ADGRL2: variants seen among roughly 807,000 people sequenced by gnomAD.
The protein encoded by ADGRL2 is adhesion G protein-coupled receptor L2, also known as calcium-independent alpha-latrotoxin receptor 2.
Under a neutral mutation model 157.4 loss-of-function variants are expected in ADGRL2, and 44 were observed. That is an observed-to-expected ratio of 0.28 (90% CI 0.22 to 0.36). The LOEUF (loss-of-function observed/expected upper bound fraction) is 0.36. Among genes scored for constraint, ADGRL2 ranks in the 10% least tolerant of loss-of-function variants. The pLI is 1.00. For synonymous variants in ADGRL2, 585 were observed against 624.7 expected (o/e 0.94, Z 0.95); for missense variants, 1,510 against 1,768.9 (o/e 0.85, Z 2.63).
chr1:81,406,414 CT>C (rs1002816598), intron 1 of ADGRL2, among the ~76,000 whole-genome samples: 3 of 152,170 alleles, frequency 2.0e-5, no homozygotes, highest in Admixed American at 6.5e-5. Flanking sequence ...GCTAAAACAT[CT>C]GAAATATACT....
intron 2 of ADGRL2, among the ~76,000 whole-genome samples, chr1:81,541,367 T>C (rs2079879082): frequency 6.6e-6 from 1 of 152,158 alleles, no homozygotes; most frequent in South Asian, 2.1e-4. Context: ...CTCTTGGATG[T>C]GGAGTAGGTA....
At chr1:81,541,317 T>C (rs942343467) in intron 2 of ADGRL2, among the ~76,000 whole-genome samples, 5 of 152,220 alleles carry the variant, frequency 3.3e-5, no homozygotes, top group Admixed American at 6.5e-5. Context: ...TGGACATTTC[T>C]TTCTTTTCCA....
intron 2 of ADGRL2, among the ~76,000 whole-genome samples, chr1:81,850,381 T>C (rs1170002773): frequency 6.6e-6 from 1 of 151,940 alleles, no homozygotes; most frequent in Non-Finnish European, 1.5e-5. Flanking sequence ...ATGTGAGTCA[T>C]TGTCTTTTCA....
chr1:81,790,366 A>G (rs575744317), intron 2 of ADGRL2, among the ~76,000 whole-genome samples: 2 of 152,252 alleles, frequency 1.3e-5, no homozygotes, highest in East Asian at 3.9e-4. Context: ...CTTTTTACTT[A>G]AATAACACAC....
At chr1:81,357,383 C>T (rs1171222969) in intron 1 of ADGRL2, among the ~76,000 whole-genome samples, 1 of 152,158 alleles carries the variant, frequency 6.6e-6, no homozygotes. Flanking sequence ...TCATTCTAGG[C>T]TCCTTTATAT....
intron 2 of ADGRL2, among the ~76,000 whole-genome samples, chr1:81,525,411 G>A (rs1224832862): frequency 6.6e-6 from 1 of 151,982 alleles, no homozygotes; most frequent in African/African-American, 2.4e-5. Flanking sequence ...TCCGCCTCCT[G>A]GGTTCAAGCG....
At chr1:81,750,492 C>T (rs1246336511) in intron 1 of ADGRL2, among the ~76,000 whole-genome samples, 1 of 152,040 alleles carries the variant, frequency 6.6e-6, no homozygotes, top group African/African-American at 2.4e-5. Flanking sequence ...GCCGATGGGG[C>T]TGGATCACAA....
chr1:81,826,542 A>AGCTTCT (rs1406824951), intron 1 of ADGRL2, among the ~76,000 whole-genome samples: 2 of 152,224 alleles, frequency 1.3e-5, no homozygotes, highest in African/African-American at 4.8e-5. Context: ...AAAAAGATTT[A>AGCTTCT]GCTATAATTT....
chr1:81,470,075 C>T (rs2078139376), intron 2 of ADGRL2, among the ~76,000 whole-genome samples: 1 of 152,172 alleles, frequency 6.6e-6, no homozygotes. Context: ...CTTAGAAACA[C>T]GTGTTCCTTA....
chr1:81,851,917 A>G (rs1237937851), intron 2 of ADGRL2, among the ~76,000 whole-genome samples: 1 of 152,002 alleles, frequency 6.6e-6, no homozygotes, highest in Non-Finnish European at 1.5e-5. Context: ...GAGTACAACT[A>G]TAGGATTTTT....
chr1:81,324,566 T>C (rs756274391), intron 1 of ADGRL2, among the ~76,000 whole-genome samples: 5 of 149,436 alleles, frequency 3.3e-5, no homozygotes, highest in Non-Finnish European at 7.4e-5. Flanking sequence ...AAAAGTTATA[T>C]ATAAATTATA....
intron 1 of ADGRL2, among the ~76,000 whole-genome samples, chr1:81,337,818 G>A (rs1661762790): frequency 6.6e-6 from 1 of 152,090 alleles, no homozygotes; most frequent in South Asian, 2.1e-4. Context: ...CAACTAACCA[G>A]TTCCAGCCCT....
chr1:81,943,918 G>T lies in ADGRL2; in HGVS notation c.1210+149G>T. On this transcript the variant is annotated intron_variant, in intron 6 of 23. Coordinates refer to ENST00000686636, the MANE Select transcript of ADGRL2 (RefSeq NM_001366006.2). The surrounding 1 kb of genome is among the most constrained non-coding windows in gnomAD (Gnocchi z 5.6). ...TTGTGGTACATTTTAGCCTTATTAT[G>T]GTTCGTTTTCTTTTTCTCAATTTCT... is the stretch of plus-strand genomic sequence containing the variant. The T allele has an allele frequency of 1.6e-6, 1 of 615,628 alleles. No homozygotes were observed. Among genetic ancestry groups the T allele is most frequent in the African/African-American group, 1.9e-5 (1 of 54,028 alleles). The allele number at this position is 615,628 out of a possible 1,614,324, so 38.1% of individuals were successfully genotyped here. A position where few individuals can be genotyped will look rare whatever the true frequency, so the allele number is the denominator to read the frequency against.
chr1:81,400,574 A>G (rs1252714285), intron 1 of ADGRL2, among the ~76,000 whole-genome samples: 1 of 152,110 alleles, frequency 6.6e-6, no homozygotes, highest in Non-Finnish European at 1.5e-5. Context: ...ACCTGAGCCA[A>G]TAAGTCTCAG....
rs1443367350 is a variant in ADGRL2 at position 81,990,394 on chromosome 1, A to AT, written c.3661dup (p.Ser1221PhefsTer19). On this transcript the variant is annotated frameshift_variant, in exon 24 of 24. Transcript: ENST00000686636. LOFTEE classifies it high-confidence loss of function. ...AACTCCCCCTCTTCTGTTTCAGGAC[A>AT]TTCACTGAACAATGCCAGGGATACA... The AT allele has an allele frequency of 6.2e-7, 1 of 1,611,970 alleles. No individual in the cohort carries two copies. The highest frequency in any genetic ancestry group is 1.7e-5 in the Admixed American group (1 of 59,974).
In ADGRL2 at chr1:81,646,393, T is replaced by G. The variant is rs932051814; in HGVS notation, c.-143+65413T>G. On this transcript the variant is annotated intron_variant, in intron 3 of 24. Coordinates refer to the ADGRL2 transcript ENST00000370721. ...AGTAAAGGCCCTGGTCACGATCCACTAGGAATGACTTCATGGGTGGAAAAT... is the reference window on the plus strand; with the variant it reads ...AGTAAAGGCCCTGGTCACGATCCACGAGGAATGACTTCATGGGTGGAAAAT... 3.3e-5 allele frequency among the ~76,000 whole-genome samples: 5 copies of G among 152,196 alleles called. 1 individual carries two copies. Among genetic ancestry groups the G allele is most frequent in the Admixed American group, 3.3e-4 (5 of 15,276 alleles).
At position 81,829,660 on chromosome 1, in the gene ADGRL2, T is replaced by C. The variant is rs142880523; in HGVS notation, c.-100-7225T>C. On this transcript the variant is annotated intron_variant, in intron 1 of 23. Coordinates refer to ENST00000686636, the MANE Select transcript of ADGRL2 (RefSeq NM_001366006.2). ...GAAACAGTTGCTTCTTTTTAAGATA[T>C]GAATTAGAATAATTGCCGAGACATA... Among the ~76,000 whole-genome samples, 3 of 152,304 alleles carry C rather than the reference T, an allele frequency of 2.0e-5. No individual in the cohort carries two copies. In the East Asian group the frequency reaches 5.8e-4, roughly 29 times the overall value.
chr1:81,981,903 C>A lies in ADGRL2; in HGVS notation c.3209C>A (p.Ala1070Glu). 2.5e-6 allele frequency: 4 copies of A among 1,611,316 alleles called. No individual in the cohort carries two copies. Among genetic ancestry groups the A allele is most frequent in the Non-Finnish European group, 3.4e-6 (4 of 1,177,922 alleles). ...LFINEETIVM[A>E]YLFTIFNAFQ... ...ATTAATGAGGAGACTATTGTGATGG[C>A]ATATCTCTTCACTATATTTAATGCT... is the stretch of plus-strand genomic sequence containing the variant. The change falls in exon 19 of 24, where the codon GCA becomes GAA. Residue 1070 changes from alanine (A) to glutamate (E), a missense_variant. By Grantham distance (107) the Ala-to-Glu change is moderately radical. This residue lies in a region of ADGRL2 where 497 missense variants were observed against 627.2 expected (regional missense o/e 0.79). Transcript: ENST00000686636.
chr1:81,987,522 A>C, intron 22 of ADGRL2: 2 of 601,020 alleles, frequency 3.3e-6, no homozygotes, highest in South Asian at 2.0e-5. Flanking sequence ...CTTTTTTCTT[A>C]AGAAAAATTT....
Sources: gnomAD v4.1 joint callset for allele counts (sites outside exome capture counted in the v4.1 genomes callset) on GRCh38, gnomAD v4.1.1 for gene constraint, gnomAD v4.1.1 regional missense constraint, Gnocchi (gnomAD v3.1) non-coding constraint, MANE v1.5 for transcripts, NCBI Gene and HGNC (gene_info 2026-07-23, HGNC 2026-07-21) for gene names.